Variants in DSE observed in about 807,000 individuals in gnomAD.
DSE encodes the protein dermatan sulfate epimerase.
A neutral mutation model predicts 84.4 loss-of-function variants in DSE; 36 were observed. The observed-to-expected ratio is 0.43, with a 90% CI of 0.33 to 0.56. The LOEUF is 0.56. Among genes scored for constraint, DSE ranks in the 20% least tolerant of loss-of-function variants. The pLI, the probability that DSE is intolerant of heterozygous loss-of-function variation, is 0.06. For missense variants in DSE, 862 were observed against 1,169.6 expected, an observed-to-expected ratio of 0.74 and a Z score of 3.84; for synonymous variants, 410 against 430.1, an observed-to-expected ratio of 0.95 and a Z score of 0.58.
At chr6:116,394,918 A>T (rs1283085158) in intron 1 of DSE, among the ~76,000 whole-genome samples, 1 of 152,254 alleles carries the variant, frequency 6.6e-6, no homozygotes, top group Non-Finnish European at 1.5e-5. Flanking sequence ...TAATTTTGCC[A>T]TGTTGAAAAT....
At chr6:116,366,789 G>A (rs12527877), upstream of DSE, 29,854 of 152,116 alleles carry the variant, frequency 0.2, 3,169 homozygotes, top group East Asian at 0.27. Context: ...TATGGTTTGG[G>A]AAATTCACTT....
chr6:116,429,777 TC>T, intron 3 of DSE, among the ~76,000 whole-genome samples: 1 of 60,156 alleles, frequency 1.7e-5, no homozygotes, highest in Non-Finnish European at 3.4e-5. Flanking sequence ...TGAAACCCCG[TC>T]TCTACTAAAA....
At chr6:116,343,636 A>G (rs1015459933) in intron 2 of DSE, among the ~76,000 whole-genome samples, 30 of 152,058 alleles carry the variant, frequency 2.0e-4, no homozygotes, top group African/African-American at 5.1e-4. Context: ...CACTATCACC[A>G]TCATCAAAGA....
chr6:116,405,184 T>C (rs1781842236), intron 2 of DSE, among the ~76,000 whole-genome samples: 1 of 152,164 alleles, frequency 6.6e-6, no homozygotes, highest in South Asian at 2.1e-4. Context: ...GTGCCTGCCT[T>C]GCTCAGCATT....
chr6:116,328,252 G>T (rs1000496907), intron 2 of DSE, among the ~76,000 whole-genome samples: 10 of 152,162 alleles, frequency 6.6e-5, no homozygotes, highest in African/African-American at 2.4e-4. Context: ...ATTCAATGCT[G>T]TTTTTTCCAG....
chr6:116,271,138 G>T (rs1772860610), intron 2 of DSE, among the ~76,000 whole-genome samples: 1 of 152,152 alleles, frequency 6.6e-6, no homozygotes, highest in African/African-American at 2.4e-5. Flanking sequence ...TTTTTATAAT[G>T]GTAACAATTA....
intron 2 of DSE, among the ~76,000 whole-genome samples, chr6:116,284,864 G>A (rs921511724): frequency 1.3e-5 from 2 of 151,836 alleles, no homozygotes; most frequent in African/African-American, 4.8e-5. Flanking sequence ...CTTTTTTATG[G>A]CTGCACAGTA....
intron 2 of DSE, among the ~76,000 whole-genome samples, chr6:116,325,855 A>T (rs970011362): frequency 6.6e-6 from 1 of 152,162 alleles, no homozygotes; most frequent in Non-Finnish European, 1.5e-5. Flanking sequence ...TCAAGAGCCG[A>T]GCTCCCTGAG....
chr6:116,307,838 C>T (rs6568931), intron 2 of DSE, among the ~76,000 whole-genome samples: 148,975 of 152,352 alleles, frequency 0.98, 72,937 homozygotes, highest in East Asian at 1. Context: ...ATTGGAGGGT[C>T]ATGTAAATAT....
chr6:116,281,216 TG>T (rs993661601), intron 2 of DSE, among the ~76,000 whole-genome samples: 55 of 152,186 alleles, frequency 3.6e-4, no homozygotes, highest in Middle Eastern at 3.4e-3. Flanking sequence ...GCTTTGAAGA[TG>T]GAGGAAGGAG....
chr6:116,367,383 G>T (rs1435258810), upstream of DSE, among the ~76,000 whole-genome samples: 1 of 152,236 alleles, frequency 6.6e-6, no homozygotes. Context: ...AATGGAAGCA[G>T]ATGTATAGTC....
At position 116,254,297 on chromosome 6, in the gene DSE, T is replaced by G. The variant is rs1401935317; in HGVS notation, c.-576+2T>G. ...TGGATGTAGACCAGACTCAAGCATG[T>G]AAGAACTGTGTTAATGTGGATTTCT... On this transcript the variant is annotated splice_donor_variant, in intron 1 of 3. Coordinates refer to the DSE transcript ENST00000430252. LOFTEE classifies it low-confidence loss of function (5UTR_SPLICE). The G allele has an allele frequency of 6.3e-6, 4 of 637,320 alleles. No individual in the cohort carries two copies. The highest frequency in any genetic ancestry group is 6.0e-5 in the South Asian group (4 of 66,154). The allele number at this position is 637,320 out of a possible 1,614,324, so 39.5% of individuals were successfully genotyped here. A position where few individuals can be genotyped will look rare whatever the true frequency, so the allele number is the denominator to read the frequency against.
At chr6:116,370,757 A>G, upstream of DSE, 1 of 913,594 alleles carries the variant, frequency 1.1e-6, no homozygotes, top group Non-Finnish European at 1.3e-6. Context: ...GAGCGGGAGA[A>G]AGCGGGGCGG....
At chr6:116,435,007 T>C (rs1231678065) in intron 5 of DSE, among the ~76,000 whole-genome samples, 1 of 152,240 alleles carries the variant, frequency 6.6e-6, no homozygotes, top group East Asian at 1.9e-4. Flanking sequence ...TAAGACAGTT[T>C]GCTGAAACTT....
intron 2 of DSE, among the ~76,000 whole-genome samples, chr6:116,295,372 G>A (rs7761434): frequency 0.98 from 148,854 of 152,208 alleles, 72,884 homozygotes; most frequent in East Asian, 1. Context: ...TTCTGCTGTG[G>A]TCATCCTATT....
chr6:116,383,274 G>A (rs540537489), intron 1 of DSE, among the ~76,000 whole-genome samples: 1 of 152,158 alleles, frequency 6.6e-6, no homozygotes, highest in African/African-American at 2.4e-5. Flanking sequence ...TTTTTTTCCA[G>A]CATAGACAAA....
intron 2 of DSE, among the ~76,000 whole-genome samples, chr6:116,340,850 G>T (rs1469346129): frequency 6.6e-6 from 1 of 152,038 alleles, no homozygotes. Context: ...AGTATTCCGT[G>T]GTGTATATGT....
intron 2 of DSE, among the ~76,000 whole-genome samples, chr6:116,294,618 G>T (rs1028905967): frequency 6.6e-6 from 1 of 152,174 alleles, no homozygotes; most frequent in Non-Finnish European, 1.5e-5. Flanking sequence ...AATGAAGGTA[G>T]ATAGGGGAAG....
chr6:116,267,948 G>GC (rs916289199), intron 2 of DSE, among the ~76,000 whole-genome samples: 21 of 152,194 alleles, frequency 1.4e-4, no homozygotes, highest in African/African-American at 5.1e-4. Context: ...GAGGAAGTCT[G>GC]CCCCCATGAT....
Sources: allele counts gnomAD v4.1 joint callset (sites outside exome capture counted in the v4.1 genomes callset), GRCh38; gene constraint gnomAD v4.1.1; transcripts MANE v1.5; gene names NCBI Gene and HGNC (gene_info 2026-07-23, HGNC 2026-07-21).